BBS9: variants seen among roughly 807,000 people sequenced by gnomAD.
BBS9 encodes the protein protein PTHB1.
Under a neutral mutation model 117.7 loss-of-function variants are expected in BBS9, and 89 were observed. The observed-to-expected ratio is 0.76, with a 90% CI of 0.64 to 0.90. The LOEUF (loss-of-function observed/expected upper bound fraction) is 0.90. Among genes scored for constraint, BBS9 ranks in the 40% least tolerant of loss-of-function variants. The probability of loss-of-function intolerance (pLI) is 0.00; values close to 1 mark genes in which losing one functional copy is unlikely to be tolerated. For synonymous variants in BBS9, 379 were observed against 370.9 expected, an observed-to-expected ratio of 1.02 and a Z score of -0.25; for missense variants, 982 against 1,042.2, an observed-to-expected ratio of 0.94 and a Z score of 0.80.
intron 21 of BBS9, among the ~76,000 whole-genome samples, chr7:33,537,877 A>C (rs780330050): frequency 6.6e-6 from 1 of 152,260 alleles, no homozygotes; most frequent in Non-Finnish European, 1.5e-5. Context: ...TGATATTTGA[A>C]GACTTATCAT....
At chr7:33,444,935 T>A (rs1427984535) in intron 19 of BBS9, among the ~76,000 whole-genome samples, 1 of 152,226 alleles carries the variant, frequency 6.6e-6, no homozygotes, top group Admixed American at 6.5e-5. Context: ...GTGGCTGGTT[T>A]AGTTGCTTCC....
intron 19 of BBS9, among the ~76,000 whole-genome samples, chr7:33,504,844 T>C (rs114289769): frequency 2.3e-3 from 346 of 151,690 alleles, no homozygotes; most frequent in African/African-American, 8.0e-3. Flanking sequence ...TAACACACCC[T>C]GAACTTTTTT....
At chr7:33,365,625 T>G (rs937203977) in intron 16 of BBS9, among the ~76,000 whole-genome samples, 1 of 152,232 alleles carries the variant, frequency 6.6e-6, no homozygotes, top group African/African-American at 2.4e-5. Flanking sequence ...CAGTTTCCAG[T>G]GCCTGATGAG....
chr7:33,409,833 G>A (rs925003271), intron 19 of BBS9, among the ~76,000 whole-genome samples: 10 of 152,026 alleles, frequency 6.6e-5, no homozygotes, highest in African/African-American at 1.2e-4. Flanking sequence ...TTCTGCCACC[G>A]TGCATTTGCT....
chr7:33,615,228 A>C (rs1031820022), intron 21 of BBS9, among the ~76,000 whole-genome samples: 2 of 152,112 alleles, frequency 1.3e-5, no homozygotes, highest in Admixed American at 1.3e-4. Context: ...CTAAATGGCC[A>C]AAAATACAGT....
intron 19 of BBS9, among the ~76,000 whole-genome samples, chr7:33,451,688 A>G (rs945038584): frequency 1.3e-5 from 2 of 152,200 alleles, no homozygotes; most frequent in African/African-American, 4.8e-5. Context: ...CTGAGGTTAC[A>G]TATGAAATTT....
At chr7:33,190,143 T>G (rs374532781) in intron 5 of BBS9, among the ~76,000 whole-genome samples, 4 of 139,690 alleles carry the variant, frequency 2.9e-5, no homozygotes, top group Non-Finnish European at 6.1e-5. Flanking sequence ...TTTTTGAGAC[T>G]GAGTCTCGCT....
intron 21 of BBS9, among the ~76,000 whole-genome samples, chr7:33,555,605 G>A (rs938509366): frequency 3.9e-5 from 6 of 152,178 alleles, no homozygotes; most frequent in African/African-American, 1.2e-4. Flanking sequence ...AGTTAAAATT[G>A]AGAGGATTTG....
chr7:33,396,027 A>G lies in BBS9; in HGVS notation c.2115+7883A>G, dbSNP rs951257999. ...AGTAAATAGGTGAGAAAGGAGGAGG[A>G]AGCAGAAATTTGCAATCGTATGTTT... On this transcript the variant is annotated intron_variant, in intron 19 of 22. Coordinates refer to ENST00000242067, the MANE Select transcript of BBS9 (RefSeq NM_198428.3). Among the ~76,000 whole-genome samples, 17 of 152,282 alleles carry G rather than the reference A, an allele frequency of 1.1e-4. No individual in the cohort carries two copies. In the South Asian group the frequency reaches 2.7e-3, roughly 24 times the overall value.
At chr7:33,483,240 C>T (rs375156179) in intron 19 of BBS9, among the ~76,000 whole-genome samples, 2 of 152,232 alleles carry the variant, frequency 1.3e-5, no homozygotes, top group African/African-American at 4.8e-5. Flanking sequence ...ATTGACCTGG[C>T]CCAAGATGGA....
intron 19 of BBS9, among the ~76,000 whole-genome samples, chr7:33,441,906 T>C (rs77501552): frequency 3.4e-5 from 5 of 147,824 alleles, no homozygotes; most frequent in Middle Eastern, 3.5e-3. Context: ...TTTTTTTTTT[T>C]CCCGAGACAG....
At chr7:33,243,903 G>A (rs2128288234) in intron 5 of BBS9, among the ~76,000 whole-genome samples, 1 of 152,080 alleles carries the variant, frequency 6.6e-6, no homozygotes, top group Admixed American at 6.5e-5. Context: ...GAGAATATTG[G>A]TGATTATAAT....
At chr7:33,471,073 T>C (rs1840955172) in intron 19 of BBS9, among the ~76,000 whole-genome samples, 1 of 152,258 alleles carries the variant, frequency 6.6e-6, no homozygotes, top group South Asian at 2.1e-4. Flanking sequence ...TTTTAGCTGG[T>C]ATCACTAAAA....
chr7:33,172,075 C>G (rs993459103), intron 4 of BBS9, among the ~76,000 whole-genome samples: 3 of 151,972 alleles, frequency 2.0e-5, no homozygotes, highest in Non-Finnish European at 4.4e-5. Flanking sequence ...AGCTGATGGT[C>G]TAGGCACTAA....
At chr7:33,351,493 G>A (rs1445826514) in intron 14 of BBS9, 170 bp downstream of exon 14, 1 of 655,010 alleles carries the variant, frequency 1.5e-6, no homozygotes, top group Non-Finnish European at 2.8e-6. Context: ...TGAGTAGTTC[G>A]TGATAAGGCT....
chr7:33,135,922 T>C (rs1200694671), intron 1 of BBS9, among the ~76,000 whole-genome samples: 2 of 151,074 alleles, frequency 1.3e-5, no homozygotes, highest in Non-Finnish European at 2.9e-5. Flanking sequence ...TCCTAAGTAT[T>C]CTTTTTTTTT....
At chr7:33,248,350 G>T (rs1332476477) in intron 5 of BBS9, among the ~76,000 whole-genome samples, 3 of 152,024 alleles carry the variant, frequency 2.0e-5, no homozygotes, top group Non-Finnish European at 4.4e-5. Flanking sequence ...ATTATTATTA[G>T]GCACTAATTA....
At chr7:33,358,060 C>T (rs2128688021) in intron 16 of BBS9, 65 bp downstream of exon 16, 3 of 1,547,288 alleles carry the variant, frequency 1.9e-6, no homozygotes, top group Non-Finnish European at 2.7e-6. Flanking sequence ...TGGAATCCTT[C>T]ATCAGCAGAT....
chr7:33,348,850 C>G (rs1320108425), intron 12 of BBS9, among the ~76,000 whole-genome samples: 1 of 152,122 alleles, frequency 6.6e-6, no homozygotes, highest in Non-Finnish European at 1.5e-5. Flanking sequence ...TATTGCCAAT[C>G]TTTATTCTTT....
Sources: gnomAD v4.1 joint callset for allele counts (sites outside exome capture counted in the v4.1 genomes callset) on GRCh38, gnomAD v4.1.1 for gene constraint, MANE v1.5 for transcripts, NCBI Gene and HGNC (gene_info 2026-07-23, HGNC 2026-07-21) for gene names.